The following THRB variants were observed in gnomAD, a reference collection of about 807,000 sequenced individuals.
The protein encoded by THRB is nuclear receptor subfamily 1 group A member 2.
THRB carries 12 observed loss-of-function variants against 47.8 expected under a neutral mutation model. The observed-to-expected ratio is 0.25, with a 90% CI of 0.16 to 0.41. The LOEUF (loss-of-function observed/expected upper bound fraction) is 0.41, where lower values mean the gene tolerates loss of function less well. Ranked by LOEUF, THRB falls within the 10% of genes least tolerant of loss-of-function variation. THRB has a pLI of 1.00. For missense variants in THRB, 348 were observed against 589.2 expected (o/e 0.59, Z 4.24); for synonymous variants, 218 against 212.2 (o/e 1.03, Z -0.24).
intron 4 of THRB, among the ~76,000 whole-genome samples, chr3:24,211,094 G>A (rs1040475444): frequency 6.6e-6 from 1 of 151,820 alleles, no homozygotes; most frequent in Non-Finnish European, 1.5e-5. Flanking sequence ...TGGCTACTTG[G>A]GAGGCTGAGG....
intron 2 of THRB, among the ~76,000 whole-genome samples, chr3:24,307,179 C>T (rs1278372028): frequency 1.3e-5 from 2 of 151,948 alleles, no homozygotes; most frequent in Non-Finnish European, 2.9e-5. Flanking sequence ...CATGTGTATG[C>T]TGAACACTAT....
chr3:24,476,595 A>G (rs1331385777), intron 1 of THRB, among the ~76,000 whole-genome samples: 1 of 152,190 alleles, frequency 6.6e-6, no homozygotes, highest in Non-Finnish European at 1.5e-5. Context: ...CGCACTACCA[A>G]TTTGGGAACA....
At chr3:24,483,702 G>A (rs1696823162) in intron 1 of THRB, among the ~76,000 whole-genome samples, 1 of 152,202 alleles carries the variant, frequency 6.6e-6, no homozygotes, top group Middle Eastern at 3.2e-3. Context: ...AACAGAATTA[G>A]GTCAGATAGG....
chr3:24,323,888 A>G (rs1406639296), intron 2 of THRB, among the ~76,000 whole-genome samples: 2 of 152,246 alleles, frequency 1.3e-5, no homozygotes, highest in African/African-American at 4.8e-5. Flanking sequence ...TTCTCTTTGA[A>G]TTTCAAATGT....
intron 3 of THRB, among the ~76,000 whole-genome samples, chr3:24,292,100 A>C (rs2055984862): frequency 6.6e-6 from 1 of 152,192 alleles, no homozygotes; most frequent in African/African-American, 2.4e-5. Flanking sequence ...AAAAGGTGCC[A>C]AATTTTATTA....
chr3:24,178,283 G>A (rs545521686), intron 5 of THRB, among the ~76,000 whole-genome samples: 4 of 152,228 alleles, frequency 2.6e-5, no homozygotes, highest in African/African-American at 4.8e-5. Flanking sequence ...AACAAACACC[G>A]TATCATACAA....
chr3:24,182,474 G>A (rs764678454), intron 5 of THRB, among the ~76,000 whole-genome samples: 1 of 152,154 alleles, frequency 6.6e-6, no homozygotes, highest in Non-Finnish European at 1.5e-5. Context: ...TATTACATCT[G>A]TTCTGCCTGC....
At chr3:24,165,048 G>T (rs185626009) in intron 5 of THRB, 13 of 755,962 alleles carry the variant, frequency 1.7e-5, no homozygotes, top group Middle Eastern at 2.3e-4. Flanking sequence ...GAATACGATG[G>T]CGACTGCACT....
chr3:24,282,946 C>T (rs927370992), intron 3 of THRB, among the ~76,000 whole-genome samples: 8 of 151,782 alleles, frequency 5.3e-5, no homozygotes, highest in East Asian at 3.9e-4. Context: ...ATAATCAATA[C>T]CTTACCAACG....
intron 1 of THRB, among the ~76,000 whole-genome samples, chr3:24,414,055 T>C (rs562362354): frequency 1.3e-5 from 2 of 151,990 alleles, no homozygotes; most frequent in South Asian, 4.1e-4. Flanking sequence ...ATGTTTCAAA[T>C]AGATATATAG....
intron 1 of THRB, among the ~76,000 whole-genome samples, chr3:24,490,295 G>T (rs781739186): frequency 1.3e-5 from 2 of 152,220 alleles, no homozygotes; most frequent in Non-Finnish European, 1.5e-5. Context: ...AACCAGCTTT[G>T]ACACTAGAAC....
At chr3:24,185,713 G>T (rs2042485392) in intron 5 of THRB, among the ~76,000 whole-genome samples, 1 of 152,172 alleles carries the variant, frequency 6.6e-6, no homozygotes, top group South Asian at 2.1e-4. Flanking sequence ...AAAGTGTAAA[G>T]GCCTGACTGC....
chr3:24,404,302 T>C (rs1018985326), intron 1 of THRB, among the ~76,000 whole-genome samples: 2 of 151,950 alleles, frequency 1.3e-5, no homozygotes, highest in Non-Finnish European at 2.9e-5. Flanking sequence ...AAAAGTTCAG[T>C]GATAGGGTTT....
At chr3:24,197,960 T>C (rs1004751437) in intron 4 of THRB, among the ~76,000 whole-genome samples, 1 of 152,216 alleles carries the variant, frequency 6.6e-6, no homozygotes, top group African/African-American at 2.4e-5. Flanking sequence ...CTCAAGGCCA[T>C]CTTTCTAAGA....
chr3:24,188,559 A>G (rs2042896667), intron 5 of THRB, among the ~76,000 whole-genome samples: 1 of 152,060 alleles, frequency 6.6e-6, no homozygotes, highest in Non-Finnish European at 1.5e-5. Flanking sequence ...GAATATTGGT[A>G]TCAATTGTGA....
intron 3 of THRB, among the ~76,000 whole-genome samples, chr3:24,236,875 G>T (rs748471716): frequency 5.3e-5 from 8 of 152,040 alleles, no homozygotes; most frequent in Non-Finnish European, 1.0e-4. Flanking sequence ...ACCCAATGAA[G>T]TGAATAAATA....
In THRB at chr3:24,146,762, C is replaced by T; in HGVS notation, c.445G>A (p.Gly149Arg). The T allele has an allele frequency of 1.9e-6, 3 of 1,613,944 alleles. No individual in the cohort carries two copies. The highest frequency in any genetic ancestry group is 2.5e-6 in the Non-Finnish European group (3 of 1,179,816). Residue 149 changes from glycine to arginine, a missense_variant, in exon 7 of 11, where the codon GGA becomes AGA. This residue lies in a region of THRB where 112 missense variants were observed against 212.3 expected (regional missense o/e 0.53). Coordinates refer to ENST00000646209, the MANE Select transcript of THRB (RefSeq NM_001354712.2). The part of the protein sequence containing the change: ...LHPSYSCKYE[G>R]KCVIDKVTRN... ...GTGACTTTGTCTATGACACATTTTC[C>T]TTCATATTTACAGGAATAGGATGGA...
At chr3:24,246,712 C>T (rs1242137832) in intron 3 of THRB, among the ~76,000 whole-genome samples, 4 of 152,124 alleles carry the variant, frequency 2.6e-5, no homozygotes, top group African/African-American at 7.2e-5. Flanking sequence ...TTTACTTTCC[C>T]TCAAAAAATA....
chr3:24,425,364 G>A (rs1418222169), intron 1 of THRB, among the ~76,000 whole-genome samples: 1 of 151,778 alleles, frequency 6.6e-6, no homozygotes, highest in Non-Finnish European at 1.5e-5. Context: ...TTTTGCCATT[G>A]TGTTTTTGTT....
Sources: gnomAD v4.1 joint callset for allele counts (sites outside exome capture counted in the v4.1 genomes callset) on GRCh38, gnomAD v4.1.1 for gene constraint, gnomAD v4.1.1 regional missense constraint, MANE v1.5 for transcripts, NCBI Gene and HGNC (gene_info 2026-07-23, HGNC 2026-07-21) for gene names.